Variants in HTR2C observed in about 807,000 individuals in gnomAD.
The protein encoded by HTR2C is 5-hydroxytryptamine (serotonin) receptor 2C, G protein-coupled.
A neutral mutation model predicts 21.0 loss-of-function variants in HTR2C; 5 were observed. The ratio of observed to expected loss-of-function variants is 0.24; its 90% confidence interval spans 0.12 to 0.50. The LOEUF is 0.50. Among genes scored for constraint, HTR2C ranks in the 20% least tolerant of loss-of-function variants. The probability of loss-of-function intolerance (pLI) is 0.98; values close to 1 mark genes in which losing one functional copy is unlikely to be tolerated. For missense variants in HTR2C, 271 were observed against 371.2 expected, an observed-to-expected ratio of 0.73 and a Z score of 2.22; for synonymous variants, 150 against 145.3, an observed-to-expected ratio of 1.03 and a Z score of -0.23.
intron 4 of HTR2C, among the ~76,000 whole-genome samples, chrX:114,746,696 AAAAG>A (rs1223208793): frequency 1.8e-5 from 2 of 111,020 alleles, no homozygotes; most frequent in Non-Finnish European, 3.8e-5. Context: ...TCTAAAAAAA[AAAAG>A]AGAGGCCGGG....
In HTR2C at chrX:114,819,148, T is replaced by C. The variant is rs782108497; in HGVS notation, c.350-28855T>C. ...AATATTTATTAAATACATAAATAAA[T>C]GCTACATGGGTAAAATACTTCAAAT... is the stretch of plus-strand genomic sequence containing the variant. On this transcript the variant is annotated intron_variant, in intron 4 of 5. Transcript: ENST00000276198. Among the ~76,000 whole-genome samples, 131 of 112,054 alleles carry C rather than the reference T, an allele frequency of 1.2e-3. 1 individual carries two copies. The highest frequency in any genetic ancestry group is 4.1e-3 in the African/African-American group (126 of 30,916).
In HTR2C at chrX:114,907,105, T is replaced by C. The variant is rs782816126; in HGVS notation, c.1067T>C (p.Ile356Thr). The C allele has an allele frequency of 1.7e-6, 2 of 1,211,580 alleles. No individual in the cohort carries two copies. The highest frequency in any genetic ancestry group is 2.2e-5 in the Admixed American group (1 of 45,986). Residue 356 changes from isoleucine (I) to threonine (T), a missense_variant, in exon 6 of 6, where the codon ATT becomes ACT. By Grantham distance (89) the Ile-to-Thr change is moderately conservative. Transcript: ENST00000276198. ...AAGCTTCTGAATGTGTTTGTTTGGATTGGCTATGTTTGTTCAGGAATCAAT... is the reference window on the plus strand; with the variant it reads ...AAGCTTCTGAATGTGTTTGTTTGGACTGGCTATGTTTGTTCAGGAATCAAT... ...MEKLLNVFVWIGYVCSGINPL... is the reference protein window; with the variant it reads ...MEKLLNVFVWTGYVCSGINPL...
intron 2 of HTR2C, among the ~76,000 whole-genome samples, chrX:114,691,714 T>G (rs782050556): frequency 2.7e-5 from 3 of 111,913 alleles, no homozygotes; most frequent in Non-Finnish European, 5.7e-5. Flanking sequence ...CGGATTCACT[T>G]GATCAATTAT....
intron 4 of HTR2C, among the ~76,000 whole-genome samples, chrX:114,744,721 G>A (rs1556425827): frequency 9.0e-6 from 1 of 110,971 alleles, no homozygotes. Context: ...GAAAGTGCTG[G>A]GATTACAGGC....
At chrX:114,586,231 T>C (rs1402633123) in intron 1 of HTR2C, among the ~76,000 whole-genome samples, 1 of 111,506 alleles carries the variant, frequency 9.0e-6, no homozygotes, top group Non-Finnish European at 1.9e-5. Flanking sequence ...ATACTGAATA[T>C]TGTCTGTTCT....
chrX:114,601,299 C>T (rs1928075602), intron 1 of HTR2C, among the ~76,000 whole-genome samples: 1 of 111,011 alleles, frequency 9.0e-6, no homozygotes, highest in Non-Finnish European at 1.9e-5. Context: ...AAGAGACCAC[C>T]AAACAGGCTT....
chrX:114,819,792 T>C (rs782501511), intron 4 of HTR2C, among the ~76,000 whole-genome samples: 2 of 112,247 alleles, frequency 1.8e-5, no homozygotes, highest in Non-Finnish European at 3.8e-5. Flanking sequence ...GAACTGAAAA[T>C]TGTTTTAATA....
In HTR2C at chrX:114,793,466, T is replaced by C. The variant is rs782289043; in HGVS notation, c.350-54537T>C. On this transcript the variant is annotated intron_variant, in intron 4 of 5. Coordinates refer to ENST00000276198, the MANE Select transcript of HTR2C (RefSeq NM_000868.4). Reference sequence around the variant, plus strand: ...GACAATTAACTTTTCATAGGAAATGTTCCTAGATCAATTAATAGTCTTCAA... The same window carrying C: ...GACAATTAACTTTTCATAGGAAATGCTCCTAGATCAATTAATAGTCTTCAA... Among the ~76,000 whole-genome samples, 4 of 112,068 alleles carry C rather than the reference T, an allele frequency of 3.6e-5. No homozygotes were observed. The Admixed American group carries it at 3.8e-4, about 11-fold the overall frequency.
chrX:114,757,999 T>G (rs180670972), intron 4 of HTR2C, among the ~76,000 whole-genome samples: 36 of 110,399 alleles, frequency 3.3e-4, no homozygotes, highest in African/African-American at 1.2e-3. Flanking sequence ...ACAGAAATAA[T>G]AAGCCTTTGC....
intron 2 of HTR2C, among the ~76,000 whole-genome samples, chrX:114,722,314 C>CTGTT (rs1933252864): frequency 9.1e-6 from 1 of 110,179 alleles, no homozygotes; most frequent in Non-Finnish European, 1.9e-5. Flanking sequence ...ATTTGGCTCT[C>CTGTT]TGTCTGTTAT....
intron 4 of HTR2C, among the ~76,000 whole-genome samples, chrX:114,753,102 C>T (rs1248030247): frequency 2.3e-5 from 1 of 42,581 alleles, no homozygotes; most frequent in Non-Finnish European, 5.5e-5. Context: ...ACTCTAGTGA[C>T]TTCCCTGTGG....
intron 2 of HTR2C, among the ~76,000 whole-genome samples, chrX:114,662,059 C>T (rs1556410262): frequency 9.0e-6 from 1 of 111,395 alleles, no homozygotes; most frequent in African/African-American, 3.3e-5. Flanking sequence ...TGGCAATTGT[C>T]TTTTTATTTG....
intron 1 of HTR2C, among the ~76,000 whole-genome samples, chrX:114,601,758 A>G (rs1556394530): frequency 5.7e-5 from 6 of 105,970 alleles, no homozygotes; most frequent in Non-Finnish European, 3.9e-5. Context: ...AAAATAAAAC[A>G]AAATAGTGTT....
chrX:114,586,984 G>A (rs781886972), intron 1 of HTR2C, among the ~76,000 whole-genome samples: 27 of 111,055 alleles, frequency 2.4e-4, no homozygotes, highest in African/African-American at 8.8e-4. Context: ...CTTGGGAAGA[G>A]CAATAAAAGT....
At chrX:114,722,697 C>T (rs1336127221) in intron 2 of HTR2C, among the ~76,000 whole-genome samples, 1 of 104,555 alleles carries the variant, frequency 9.6e-6, no homozygotes, top group Non-Finnish European at 2.0e-5. Flanking sequence ...CCATCAATAC[C>T]TAATTTATTG....
intron 5 of HTR2C, among the ~76,000 whole-genome samples, chrX:114,850,576 A>C (rs963399222): frequency 3.7e-4 from 41 of 111,568 alleles, no homozygotes; most frequent in African/African-American, 4.9e-4. Flanking sequence ...TTGAGGCAGG[A>C]GCATCACTTG....
At chrX:114,644,885 G>A (rs1456268763) in intron 2 of HTR2C, among the ~76,000 whole-genome samples, 2 of 110,917 alleles carry the variant, frequency 1.8e-5, no homozygotes, top group African/African-American at 3.3e-5. Context: ...AAGTGGCTGA[G>A]GATGTCAGGG....
intron 2 of HTR2C, among the ~76,000 whole-genome samples, chrX:114,705,881 T>C (rs1309132069): frequency 1.5e-5 from 1 of 65,209 alleles, no homozygotes; most frequent in Non-Finnish European, 3.0e-5. Context: ...AACAACCCCA[T>C]CAAAAAGTGG....
intron 4 of HTR2C, among the ~76,000 whole-genome samples, chrX:114,739,111 C>T (rs2069619855): frequency 9.1e-6 from 1 of 110,116 alleles, no homozygotes; most frequent in Non-Finnish European, 1.9e-5. Flanking sequence ...TGATAAAAAT[C>T]CCTCAAGAAT....
Sources: gnomAD v4.1 joint callset for allele counts (sites outside exome capture counted in the v4.1 genomes callset) on GRCh38, gnomAD v4.1.1 for gene constraint, MANE v1.5 for transcripts, NCBI Gene and HGNC (gene_info 2026-07-23, HGNC 2026-07-21) for gene names.